PIK3CB: variants seen among roughly 807,000 people sequenced by gnomAD.
The protein encoded by PIK3CB is phosphatidylinositol 4,5-bisphosphate 3-kinase catalytic subunit beta isoform.
In PIK3CB, 39 loss-of-function variants were observed where a neutral mutation model predicts 136.8. The observed-to-expected ratio is 0.29, with a 90% CI of 0.22 to 0.37. The LOEUF (loss-of-function observed/expected upper bound fraction) is 0.37, where lower values mean the gene tolerates loss of function less well. Among genes scored for constraint, PIK3CB ranks in the 10% least tolerant of loss-of-function variants. PIK3CB has a pLI of 1.00. For synonymous variants in PIK3CB, 428 were observed against 436.6 expected (o/e 0.98, Z 0.25); for missense variants, 868 against 1,275.4 (o/e 0.68, Z 4.87).
intron 8 of PIK3CB, among the ~76,000 whole-genome samples, chr3:138,725,213 G>C (rs1471813226): frequency 6.6e-6 from 1 of 152,242 alleles, no homozygotes; most frequent in East Asian, 1.9e-4. Context: ...TAAGATTAAA[G>C]ATACAAGTTC....
intron 1 of PIK3CB, among the ~76,000 whole-genome samples, chr3:138,817,210 C>G (rs563551557): frequency 3.0e-4 from 45 of 152,194 alleles, no homozygotes; most frequent in Admixed American, 5.9e-4. Context: ...AGGTGGTGGG[C>G]GCCTGTAGTC....
chr3:138,663,097 G>A (rs550996344), intron 21 of PIK3CB, among the ~76,000 whole-genome samples: 1 of 152,004 alleles, frequency 6.6e-6, no homozygotes, highest in Admixed American at 6.6e-5. Context: ...CACAGCAAAA[G>A]AAACTACCAT....
chr3:138,727,447 C>T (rs1390592843), intron 8 of PIK3CB, among the ~76,000 whole-genome samples: 2 of 152,206 alleles, frequency 1.3e-5, no homozygotes, highest in African/African-American at 2.4e-5. Flanking sequence ...AAAAGTTAGA[C>T]AGGGCCACAG....
intron 1 of PIK3CB, among the ~76,000 whole-genome samples, chr3:138,812,834 G>T (rs910171878): frequency 6.6e-6 from 1 of 152,118 alleles, no homozygotes; most frequent in Non-Finnish European, 1.5e-5. Context: ...CAGCCAGAAT[G>T]AGAGACTCTT....
chr3:138,786,336 T>C (rs2045981635), intron 2 of PIK3CB, among the ~76,000 whole-genome samples: 1 of 152,172 alleles, frequency 6.6e-6, no homozygotes, highest in South Asian at 2.1e-4. Context: ...TAGGTCCTTT[T>C]TGAAAATAAT....
intron 1 of PIK3CB, among the ~76,000 whole-genome samples, chr3:138,807,335 G>A (rs1282223875): frequency 1.3e-5 from 2 of 152,134 alleles, no homozygotes; most frequent in East Asian, 3.9e-4. Context: ...TCAGGAGGCT[G>A]AGGCAGAAGA....
At chr3:138,772,158 GA>G (rs917712852) in intron 2 of PIK3CB, among the ~76,000 whole-genome samples, 26 of 151,972 alleles carry the variant, frequency 1.7e-4, no homozygotes, top group African/African-American at 5.5e-4. Context: ...GAAATAACAT[GA>G]AAAAAATCCA....
rs1464267282 is a variant in PIK3CB, at chr3:138,744,117, C to T, written c.398-1336G>A. On this transcript the variant is annotated intron_variant, in intron 4 of 23. Coordinates refer to ENST00000674063, the MANE Select transcript of PIK3CB (RefSeq NM_006219.3). ...ATTAAGAGGAAGTGGATTGGTCGGG[C>T]GCAGTGGCTCACGCCTGTAATCCCA... is the stretch of plus-strand genomic sequence containing the variant. Among the ~76,000 whole-genome samples, 10 of 152,032 alleles carry T rather than the reference C, an allele frequency of 6.6e-5. No individual in the cohort carries two copies. The South Asian group carries it at 8.3e-4, about 13-fold the overall frequency.
At chr3:138,702,300 C>G (rs1467022982) in intron 12 of PIK3CB, among the ~76,000 whole-genome samples, 3 of 148,864 alleles carry the variant, frequency 2.0e-5, no homozygotes, top group Admixed American at 1.3e-4. Flanking sequence ...CTCTCAAATT[C>G]CTGGGTTCAA....
chr3:138,757,258 GC>G (rs1255286395), intron 3 of PIK3CB, among the ~76,000 whole-genome samples: 1 of 151,948 alleles, frequency 6.6e-6, no homozygotes, highest in Non-Finnish European at 1.5e-5. Context: ...ACAAAAATTA[GC>G]TGGGCATGGT....
chr3:138,819,792 T>C (rs1422227311), intron 1 of PIK3CB, among the ~76,000 whole-genome samples: 1 of 152,128 alleles, frequency 6.6e-6, no homozygotes, highest in Non-Finnish European at 1.5e-5. Context: ...CTGGAAAACA[T>C]GGTGAAACCC....
chr3:138,754,838 T>A (rs2045535977), intron 4 of PIK3CB, among the ~76,000 whole-genome samples: 1 of 152,312 alleles, frequency 6.6e-6, no homozygotes, highest in African/African-American at 2.4e-5. Flanking sequence ...AGGTACCCAA[T>A]CTAGATACAT....
chr3:138,729,350 C>T (rs1422400519), intron 8 of PIK3CB, among the ~76,000 whole-genome samples: 1 of 151,668 alleles, frequency 6.6e-6, no homozygotes, highest in Non-Finnish European at 1.5e-5. Context: ...TCACAGGGTA[C>T]CCTGGTATTT....
Position 138,711,577 on chromosome 3 carries a change from C to T in PIK3CB, c.1399+631G>A, listed in dbSNP as rs1314887659. 2.2e-4 allele frequency among the ~76,000 whole-genome samples: 9 copies of T among 41,850 alleles called. No individual in the cohort carries two copies. The Admixed American group carries it at 2.8e-3, about 13-fold the overall frequency. 27.5% of individuals were successfully genotyped at this position (41,850 alleles called of 152,430 possible). A position where few individuals can be genotyped will look rare whatever the true frequency, so the allele number is the denominator to read the frequency against. ...CTGGGCAACAAGAGCGAAACTCCGT[C>T]GCAAAAAAAAAAAAAAAAAAAAAAA... On this transcript the variant is annotated intron_variant, in intron 10 of 23. Coordinates refer to ENST00000674063, the MANE Select transcript of PIK3CB (RefSeq NM_006219.3).
Position 138,819,610 on chromosome 3 carries a change from G to A in PIK3CB, c.-122+15085C>T, listed in dbSNP as rs140810121. Among the ~76,000 whole-genome samples the A allele has an allele frequency of 3.5e-4, 53 of 152,268 alleles. 1 individual carries two copies. Among genetic ancestry groups the A allele is most frequent in the African/African-American group, 1.1e-3 (45 of 41,564 alleles). On this transcript the variant is annotated intron_variant, in intron 1 of 23. Coordinates refer to ENST00000674063, the MANE Select transcript of PIK3CB (RefSeq NM_006219.3). ...AAGAAGGACATTTTTAAACAATACT[G>A]ATGCCGAGGTATCATCTCAAAGATT... is the stretch of plus-strand genomic sequence containing the variant.
At chr3:138,721,712 C>G (rs1001858386) in intron 8 of PIK3CB, among the ~76,000 whole-genome samples, 2 of 152,114 alleles carry the variant, frequency 1.3e-5, no homozygotes, top group South Asian at 2.1e-4. Flanking sequence ...AGTACTAAGA[C>G]TGAATTAATT....
At chr3:138,771,166 T>G (rs2045794634) in intron 2 of PIK3CB, among the ~76,000 whole-genome samples, 1 of 151,800 alleles carries the variant, frequency 6.6e-6, no homozygotes, top group Non-Finnish European at 1.5e-5. Flanking sequence ...GTGTTCATGG[T>G]GAAGTATGCA....
At chr3:138,738,505 A>G (rs566401352) in intron 5 of PIK3CB, among the ~76,000 whole-genome samples, 1 of 152,142 alleles carries the variant, frequency 6.6e-6, no homozygotes. Flanking sequence ...ATATATTTTT[A>G]AAAACTTACA....
chr3:138,665,200 C>T lies in PIK3CB; in HGVS notation c.2508G>A (p.Met836Ile), dbSNP rs1369083426. 1 of 1,581,948 alleles carries T rather than the reference C, an allele frequency of 6.3e-7. No homozygotes were observed. Among genetic ancestry groups the T allele is most frequent in the Non-Finnish European group, 8.6e-7 (1 of 1,161,426 alleles). The change falls in exon 20 of 24, where the codon ATG becomes ATA. Residue 836 changes from methionine (M) to isoleucine (I), a missense_variant. By Grantham distance (10) the Met-to-Ile change is conservative (BLOSUM62 1). Around this residue, in one of 4 missense-constraint regions of PIK3CB, gnomAD observed 165 missense variants for 295.4 expected, o/e 0.56. Coordinates refer to ENST00000674063, the MANE Select transcript of PIK3CB (RefSeq NM_006219.3). Reference sequence around the variant, plus strand: ...CTGTTGCTAAACAGCCATAAGGCAACATCCTGGAAGGAAAAAAATGGGCAT... The same window carrying T: ...CTGTTGCTAAACAGCCATAAGGCAATATCCTGGAAGGAAAAAAATGGGCAT... The part of the protein sequence containing the change: ...LWKEAGLDLR[M>I]LPYGCLATGD...
Sources: gnomAD v4.1 joint callset for allele counts (sites outside exome capture counted in the v4.1 genomes callset) on GRCh38, gnomAD v4.1.1 for gene constraint, gnomAD v4.1.1 regional missense constraint, MANE v1.5 for transcripts, NCBI Gene and HGNC (gene_info 2026-07-23, HGNC 2026-07-21) for gene names.